Variants in CTNNA1 observed in about 807,000 individuals in gnomAD.
CTNNA1 encodes catenin alpha-1.
Under a neutral mutation model 98.4 loss-of-function variants are expected in CTNNA1, and 37 were observed. The observed-to-expected ratio is 0.38, with a 90% CI of 0.29 to 0.49. The LOEUF (loss-of-function observed/expected upper bound fraction) is 0.49, where lower values mean the gene tolerates loss of function less well. Among genes scored for constraint, CTNNA1 ranks in the 20% least tolerant of loss-of-function variants. CTNNA1 has a pLI of 0.95. For missense variants in CTNNA1, 761 were observed against 1,147.2 expected (o/e 0.66, Z 4.86); for synonymous variants, 404 against 413.2 (o/e 0.98, Z 0.27).
chr5:138,795,148 T>G (rs1756801980), intron 3 of CTNNA1, among the ~76,000 whole-genome samples: 1 of 75,882 alleles, frequency 1.3e-5, no homozygotes, highest in Non-Finnish European at 2.4e-5. Context: ...GGAGTGAGAC[T>G]CTCAAAAAAA....
At chr5:138,852,058 G>A (rs570127247) in intron 7 of CTNNA1, among the ~76,000 whole-genome samples, 343 of 152,196 alleles carry the variant, frequency 2.3e-3, no homozygotes, top group Non-Finnish European at 3.7e-3. Context: ...CAACAAGAGC[G>A]AAGCTCCATC....
In CTNNA1 at chr5:138,792,750, A is replaced by G. The variant is rs953095017; in HGVS notation, c.301+9378A>G. 6.2e-4 allele frequency among the ~76,000 whole-genome samples: 95 copies of G among 152,348 alleles called. 1 individual carries two copies. Among genetic ancestry groups the G allele is most frequent in the African/African-American group, 2.2e-3 (92 of 41,584 alleles). ...GTGTTCCTACTTTGGAATGTTGAGT[A>G]TGGATTTCAAAAAGTGTTAATGATG... On this transcript the variant is annotated intron_variant, in intron 3 of 17. Coordinates refer to ENST00000302763, the MANE Select transcript of CTNNA1 (RefSeq NM_001903.5).
intron 12 of CTNNA1, 101 bp from the exon 13 acceptor site, chr5:138,925,155 A>G: frequency 7.6e-7 from 1 of 1,315,708 alleles, no homozygotes; most frequent in South Asian, 1.4e-5. Context: ...GAGGCTCATC[A>G]TAAGCCTCAC....
chr5:138,792,331 C>G (rs1020366017), intron 3 of CTNNA1, among the ~76,000 whole-genome samples: 1 of 152,190 alleles, frequency 6.6e-6, no homozygotes, highest in African/African-American at 2.4e-5. Context: ...ATGATTTTCT[C>G]CCTGGCAACT....
At chr5:138,855,132 G>A (rs1438216295) in intron 7 of CTNNA1, among the ~76,000 whole-genome samples, 2 of 152,108 alleles carry the variant, frequency 1.3e-5, no homozygotes, top group Admixed American at 6.6e-5. Context: ...TCCGCCTCCC[G>A]GGTTCAAGCT....
chr5:138,781,938 A>G lies in CTNNA1; in HGVS notation c.14A>G (p.His5Arg), dbSNP rs1580977954. Reference sequence around the variant, plus strand: ...TCTTATTTAGAAATGACTGCTGTCCATGCAGGCAACATAAACTTCAAGTGG... The same window carrying G: ...TCTTATTTAGAAATGACTGCTGTCCGTGCAGGCAACATAAACTTCAAGTGG... MTAV[H>R]AGNINFKWDP... is the part of the protein sequence containing the mutation. Residue 5 changes from histidine (H) to arginine (R), a missense_variant, in exon 2 of 18, where the codon CAT (histidine) becomes CGT (arginine). By Grantham distance (29) the His-to-Arg change is conservative. Transcript: ENST00000302763. The G allele has an allele frequency of 6.3e-7, 1 of 1,591,966 alleles. No individual in the cohort carries two copies. Among genetic ancestry groups the G allele is most frequent in the Non-Finnish European group, 8.5e-7 (1 of 1,175,138 alleles).
intron 3 of CTNNA1, among the ~76,000 whole-genome samples, chr5:138,803,100 A>T (rs1331501060): frequency 6.6e-6 from 1 of 151,822 alleles, no homozygotes; most frequent in East Asian, 1.9e-4. Context: ...AAAATTGAAA[A>T]TAAAGTAGAA....
chr5:138,929,225 T>C (rs941791018), intron 13 of CTNNA1, 21 bp from the exon 14 acceptor site: 2 of 1,344,632 alleles, frequency 1.5e-6, no homozygotes, highest in Non-Finnish European at 2.1e-6. Context: ...GTCTGACCTG[T>C]GATCTTTGTC....
chr5:138,762,255 T>G (rs1289814086), intron 1 of CTNNA1, among the ~76,000 whole-genome samples: 1 of 152,188 alleles, frequency 6.6e-6, no homozygotes, highest in South Asian at 2.1e-4. Context: ...TACTGCTTGG[T>G]GATCTGCCCT....
rs749883014 is a variant in CTNNA1, at chr5:138,873,837, T to C, written c.1063-12375T>C. ...CACTCCATCCCACATGTCAAGTTGC[T>C]GATTTTGTTCCATTGTAAGAAGAGC... On this transcript the variant is annotated intron_variant, in intron 7 of 17. Transcript: ENST00000302763. The surrounding 1 kb of genome is among the most constrained non-coding windows in gnomAD (Gnocchi z 6.1). 1.2e-6 allele frequency: 2 copies of C among 1,614,050 alleles called. No homozygotes were observed. The highest frequency in any genetic ancestry group is 2.2e-5 in the South Asian group (2 of 91,082).
At chr5:138,849,214 C>T (rs2149839057) in intron 7 of CTNNA1, among the ~76,000 whole-genome samples, 2 of 152,248 alleles carry the variant, frequency 1.3e-5, no homozygotes, top group Non-Finnish European at 2.9e-5. Context: ...AATACTGTAA[C>T]TATTCATGTA....
intron 11 of CTNNA1, among the ~76,000 whole-genome samples, chr5:138,924,268 GTTT>G (rs1024211849): frequency 6.9e-6 from 1 of 145,384 alleles, no homozygotes; most frequent in African/African-American, 2.6e-5. Flanking sequence ...TTTTGTGTGT[GTTT>G]TTTATTTTTT....
chr5:138,905,592 A>G lies in CTNNA1; in HGVS notation c.1389+1151A>G, dbSNP rs540090455. The stretch of plus-strand genomic sequence containing the variant: ...CCAGCTTCTGAAGTGAAAGCTCAAG[A>G]ACTTGTCTCCATTTATAATAGTATA... On this transcript the variant is annotated intron_variant, in intron 10 of 17. Coordinates refer to ENST00000302763, the MANE Select transcript of CTNNA1 (RefSeq NM_001903.5). Among the ~76,000 whole-genome samples the G allele has an allele frequency of 4.6e-5, 7 of 152,354 alleles. No individual in the cohort carries two copies. The South Asian group carries it at 1.5e-3, about 32-fold the overall frequency.
intron 1 of CTNNA1, among the ~76,000 whole-genome samples, chr5:138,756,157 A>G (rs752457610): frequency 6.6e-6 from 1 of 151,268 alleles, no homozygotes; most frequent in Non-Finnish European, 1.5e-5. Flanking sequence ...TCCTGCCTCA[A>G]CCTCAAGGAG....
intron 9 of CTNNA1, among the ~76,000 whole-genome samples, chr5:138,899,413 C>T (rs866401378): frequency 6.6e-6 from 1 of 152,288 alleles, no homozygotes; most frequent in South Asian, 2.1e-4. Flanking sequence ...AATTTCTATA[C>T]CTAAACCTCT....
At chr5:138,865,883 T>C (rs757003366) in intron 7 of CTNNA1, among the ~76,000 whole-genome samples, 33 of 152,202 alleles carry the variant, frequency 2.2e-4, no homozygotes, top group Non-Finnish European at 3.5e-4. Flanking sequence ...ATAAATAACA[T>C]TGTTTTTAGA....
In CTNNA1 at chr5:138,874,217, A is replaced by C; in HGVS notation, c.1063-11995A>C. ...GTAAAATATTTTGTTGGAACTTAAGATTAATTCCTTAAGTTTATATAGTCC... is the reference window on the plus strand; with the variant it reads ...GTAAAATATTTTGTTGGAACTTAAGCTTAATTCCTTAAGTTTATATAGTCC... On this transcript the variant is annotated intron_variant, in intron 7 of 17. Coordinates refer to ENST00000302763, the MANE Select transcript of CTNNA1 (RefSeq NM_001903.5). This position sits in a 1 kb window ranked among gnomAD's most constrained non-coding sequence, Gnocchi z 4.1. 1 of 1,613,920 alleles carries C rather than the reference A, an allele frequency of 6.2e-7. No homozygotes were observed. Among genetic ancestry groups the C allele is most frequent in the South Asian group, 1.1e-5 (1 of 91,080 alleles).
At chr5:138,838,889 C>G (rs780807523) in intron 7 of CTNNA1, among the ~76,000 whole-genome samples, 1 of 152,130 alleles carries the variant, frequency 6.6e-6, no homozygotes, top group Non-Finnish European at 1.5e-5. Flanking sequence ...CCTCGGCCTC[C>G]CAAAGTGCTG....
At chr5:138,844,665 G>A (rs1225070225) in intron 7 of CTNNA1, among the ~76,000 whole-genome samples, 1 of 152,102 alleles carries the variant, frequency 6.6e-6, no homozygotes, top group East Asian at 1.9e-4. Flanking sequence ...TTTAGGGGAC[G>A]AAAGTAAGAA....
Sources: gnomAD v4.1 joint callset for allele counts (sites outside exome capture counted in the v4.1 genomes callset) on GRCh38, gnomAD v4.1.1 for gene constraint, Gnocchi (gnomAD v3.1) non-coding constraint, MANE v1.5 for transcripts, NCBI Gene and HGNC (gene_info 2026-07-23, HGNC 2026-07-21) for gene names.